Variants in DDX5 observed in about 807,000 individuals in gnomAD.
The protein encoded by DDX5 is DEAD-box helicase 5, also known as probable ATP-dependent RNA helicase DDX5.
A neutral mutation model predicts 68.6 loss-of-function variants in DDX5; 6 were observed. The ratio of observed to expected loss-of-function variants is 0.09; its 90% confidence interval spans 0.05 to 0.17. DDX5 has a LOEUF of 0.17. Ranked by LOEUF, DDX5 falls within the 10% of genes least tolerant of loss-of-function variation. DDX5 has a pLI of 1.00. For missense variants in DDX5, 499 were observed against 756.1 expected, an observed-to-expected ratio of 0.66 and a Z score of 3.99; for synonymous variants, 350 against 247.0, an observed-to-expected ratio of 1.42 and a Z score of -3.91.
intron 11 of DDX5, 112 bp downstream of exon 11, chr17:64,501,898 G>A (rs960816092): frequency 5.3e-6 from 6 of 1,141,164 alleles, no homozygotes; most frequent in Non-Finnish European, 7.8e-6. Context: ...GCACCTTTAT[G>A]TGAAAAAAAA....
Position 64,504,028 on chromosome 17 carries a change from C to G in DDX5, c.396G>C (p.Leu132Phe), listed in dbSNP as rs1555671620. The G allele has an allele frequency of 6.2e-7, 1 of 1,614,216 alleles. No individual in the cohort carries two copies. The highest frequency in any genetic ancestry group is 1.1e-5 in the South Asian group (1 of 91,084). ...CAGTCTGTGCCACTCCAACCATATC[C>G]AATCCACTTAGAGCAACTGGCCATC... ...AQGWPVALSGLDMVGVAQTGS... is the reference protein window; with the variant it reads ...AQGWPVALSGFDMVGVAQTGS... The change falls in exon 4 of 13, where the codon TTG becomes TTC. Residue 132 changes from leucine to phenylalanine, a missense_variant. Coordinates refer to ENST00000225792, the MANE Select transcript of DDX5 (RefSeq NM_004396.5).
chr17:64,503,609 T>TA (rs2038351420), intron 5 of DDX5, 38 bp from the exon 6 acceptor site: 1 of 1,609,226 alleles, frequency 6.2e-7, no homozygotes, highest in Admixed American at 1.7e-5. Context: ...CAAACCTGGA[T>TA]ACTAGTTTTA....
At chr17:64,506,601 A>C, upstream of DDX5, 1 of 376,718 alleles carries the variant, frequency 2.7e-6, no homozygotes, top group East Asian at 4.9e-5. Flanking sequence ...GGAGATGTTT[A>C]CGTCTCCAAA....
chr17:64,503,733 A>C (rs2038354958), intron 5 of DDX5, 70 bp downstream of exon 5: 1 of 1,555,346 alleles, frequency 6.4e-7, no homozygotes, highest in East Asian at 2.3e-5. Flanking sequence ...ACAAATGATT[A>C]CATCTTTAGC....
At chr17:64,501,485 G>A (rs965067231) in intron 11 of DDX5, 3 of 159,532 alleles carry the variant, frequency 1.9e-5, no homozygotes, top group Admixed American at 1.2e-4. Context: ...ATTTGTAAAA[G>A]GCTTAGTACC....
At chr17:64,502,319 C>T (rs1240067955) in intron 9 of DDX5, 96 bp from the exon 10 acceptor site, 1 of 1,486,030 alleles carries the variant, frequency 6.7e-7, no homozygotes, top group African/African-American at 1.4e-5. Flanking sequence ...TTAATTTCGC[C>T]AGAAATGAAA....
chr17:64,504,030 A>G lies in DDX5; in HGVS notation c.394T>C (p.Leu132=), dbSNP rs2038363219. ...AQGWPVALSG[L]DMVGVAQTGS... ...GTCTGTGCCACTCCAACCATATCCA[A>G]TCCACTTAGAGCAACTGGCCATCCC... Residue 132 remains leucine (L), a synonymous_variant, in exon 4 of 13, where the codon TTG becomes CTG. Coordinates refer to ENST00000225792, the MANE Select transcript of DDX5 (RefSeq NM_004396.5). 1 of 1,614,224 alleles carries G rather than the reference A, an allele frequency of 6.2e-7. No individual in the cohort carries two copies. Among genetic ancestry groups the G allele is most frequent in the South Asian group, 1.1e-5 (1 of 91,090 alleles).
At chr17:64,506,030 C>A (rs368236761) in intron 1 of DDX5, 46 bp downstream of exon 1, 2 of 1,417,712 alleles carry the variant, frequency 1.4e-6, no homozygotes, top group Non-Finnish European at 1.9e-6. Context: ...ACCCGCCCTC[C>A]CATCCCCCCA....
chr17:64,502,915 A>G lies in DDX5; in HGVS notation c.983+11T>C, dbSNP rs2038336305. 1 of 1,571,620 alleles carries G rather than the reference A, an allele frequency of 6.4e-7. No homozygotes were observed. The highest frequency in any genetic ancestry group is 8.6e-7 in the Non-Finnish European group (1 of 1,159,330). ...TTAGGAAGCAAATATAACAGAGTTAATAAAACTTACTTTTCATCCTTTTCT... is the reference window on the plus strand; with the variant it reads ...TTAGGAAGCAAATATAACAGAGTTAGTAAAACTTACTTTTCATCCTTTTCT... On this transcript the variant is annotated intron_variant, in intron 8 of 12. Coordinates refer to ENST00000225792, the MANE Select transcript of DDX5 (RefSeq NM_004396.5).
chr17:64,506,569 G>T (rs2038537770), upstream of DDX5: 2 of 403,064 alleles, frequency 5.0e-6, no homozygotes, highest in Non-Finnish European at 8.8e-6. Context: ...CCCAAGCCCA[G>T]CCCCGCCCAC....
intron 8 of DDX5, 84 bp downstream of exon 8, chr17:64,502,842 C>A: frequency 7.3e-7 from 1 of 1,371,104 alleles, no homozygotes; most frequent in South Asian, 1.5e-5. Flanking sequence ...CTGAAATAAC[C>A]TAAAACAACT....
At chr17:64,501,786 C>G (rs2038303305) in intron 11 of DDX5, 3 of 585,420 alleles carry the variant, frequency 5.1e-6, no homozygotes, top group African/African-American at 3.7e-5. Flanking sequence ...ACACGTTCAG[C>G]TTTTTCACCT....
chr17:64,503,133 C>T (rs1354098529), intron 7 of DDX5, 35 bp from the exon 8 acceptor site: 5 of 1,612,126 alleles, frequency 3.1e-6, no homozygotes, highest in Non-Finnish European at 4.2e-6. Context: ...TAGTATCAGA[C>T]TCTTAAGAGT....
intron 1 of DDX5, 181 bp from the exon 2 acceptor site, chr17:64,505,023 G>T (rs1223789766): frequency 3.6e-6 from 2 of 558,636 alleles, no homozygotes; most frequent in Non-Finnish European, 6.1e-6. Context: ...ATTTCCCGTA[G>T]TCCCAAGTAC....
At chr17:64,501,281 T>C (rs2038291635) in intron 11 of DDX5, 1 of 162,354 alleles carries the variant, frequency 6.2e-6, no homozygotes, top group African/African-American at 2.4e-5. Flanking sequence ...AAAGTTGTTT[T>C]TATGCACTGT....
intron 5 of DDX5, 102 bp downstream of exon 5, chr17:64,503,701 C>G: frequency 2.6e-6 from 4 of 1,526,134 alleles, no homozygotes; most frequent in Non-Finnish European, 3.6e-6. Flanking sequence ...ATAGGGTGAG[C>G]TAACCTCTAT....
chr17:64,500,504 CGATGTGACTCGT>C, intron 12 of DDX5, 33 bp downstream of exon 12: 1 of 1,571,390 alleles, frequency 6.4e-7, no homozygotes, highest in Non-Finnish European at 8.7e-7. Context: ...TTGTAGACAA[CGATGTGACTCGT>C]AACTACCAAC....
Position 64,499,895 on chromosome 17 carries a change from A to C in DDX5, c.*28T>G. 6.6e-7 allele frequency: 1 copy of C among 1,523,596 alleles called. No individual in the cohort carries two copies. Among genetic ancestry groups the C allele is most frequent in the Non-Finnish European group, 8.8e-7 (1 of 1,135,802 alleles). 94.4% of individuals were successfully genotyped at this position (1,523,596 alleles called of 1,614,324 possible). On this transcript the variant is annotated 3_prime_UTR_variant, in exon 13 of 13. Transcript: ENST00000225792. The stretch of plus-strand genomic sequence containing the variant: ...ACAATATAAAGAGCAATTATGAAAA[A>C]CAGACATTTACATATACTTCTAAAG...
In DDX5 at chr17:64,506,213, G is replaced by C. The variant is rs1473461370; in HGVS notation, c.-94C>G. 7 of 1,562,190 alleles carry C rather than the reference G, an allele frequency of 4.5e-6. No individual in the cohort carries two copies. The highest frequency in any genetic ancestry group is 1.7e-4 in the Middle Eastern group (1 of 6,000). ...GCCTCGATGACGGCGAAGCCTTGCG[G>C]GGGCGGCAGCGGAGGAAGGACACCG... On this transcript the variant is annotated 5_prime_UTR_variant, in exon 1 of 13. Transcript: ENST00000225792.
Sources: allele counts gnomAD v4.1 joint callset, GRCh38; gene constraint gnomAD v4.1.1; transcripts MANE v1.5; gene names NCBI Gene and HGNC (gene_info 2026-07-23, HGNC 2026-07-21).